ALS2: variants seen among roughly 807,000 people sequenced by gnomAD.
ALS2 encodes the protein alsin Rho guanine nucleotide exchange factor ALS2.
Under a neutral mutation model 203.4 loss-of-function variants are expected in ALS2, and 117 were observed. The ratio of observed to expected loss-of-function variants is 0.58; its 90% CI spans 0.50 to 0.67. ALS2 has a LOEUF of 0.67. Ranked by LOEUF, ALS2 falls within the 30% of genes least tolerant of loss-of-function variation. The probability of loss-of-function intolerance (pLI) is 0.00; values close to 1 mark genes in which losing one functional copy is unlikely to be tolerated. For missense variants in ALS2, 1,715 were observed against 1,989.4 expected, an observed-to-expected ratio of 0.86 and a Z score of 2.62; for synonymous variants, 718 against 725.9, an observed-to-expected ratio of 0.99 and a Z score of 0.17.
intron 7 of ALS2, among the ~76,000 whole-genome samples, chr2:201,750,281 C>T (rs1180451899): frequency 6.6e-6 from 1 of 151,994 alleles, no homozygotes; most frequent in Non-Finnish European, 1.5e-5. Context: ...TTGTTCTTAA[C>T]ACTTTCTGTA....
intron 23 of ALS2, chr2:201,722,258 G>A (rs1690849376): frequency 6.6e-6 from 1 of 152,120 alleles, no homozygotes; most frequent in East Asian, 1.9e-4. Context: ...TTAGTCACTA[G>A]GGAATGCAAA....
chr2:201,776,662 T>C (rs1427134624), intron 1 of ALS2, among the ~76,000 whole-genome samples: 3 of 152,144 alleles, frequency 2.0e-5, no homozygotes, highest in Non-Finnish European at 4.4e-5. Flanking sequence ...ATGGCCACAA[T>C]TTTTTCAAAG....
At chr2:201,708,734 T>C (rs1689872094) in intron 27 of ALS2, among the ~76,000 whole-genome samples, 1 of 152,244 alleles carries the variant, frequency 6.6e-6, no homozygotes, top group Non-Finnish European at 1.5e-5. Flanking sequence ...TCTGACTTCT[T>C]GTATGCTAGT....
At chr2:201,725,156 C>G (rs1251070112) in intron 20 of ALS2, among the ~76,000 whole-genome samples, 200 bp downstream of exon 20, 1 of 151,662 alleles carries the variant, frequency 6.6e-6, no homozygotes, top group Non-Finnish European at 1.5e-5. Context: ...ATTTAATAAT[C>G]CAGTATTTTA....
intron 23 of ALS2, among the ~76,000 whole-genome samples, 196 bp from the exon 24 acceptor site, chr2:201,718,406 C>T (rs1344623373): frequency 5.3e-5 from 8 of 152,068 alleles, no homozygotes; most frequent in African/African-American, 1.7e-4. Flanking sequence ...ATCACAGGCG[C>T]CCGCCACCAC....
chr2:201,721,186 G>A (rs1349829559), intron 23 of ALS2, among the ~76,000 whole-genome samples: 1 of 152,186 alleles, frequency 6.6e-6, no homozygotes, highest in Admixed American at 6.5e-5. Context: ...TAAACTGTGA[G>A]GTGTTCTATG....
At chr2:201,770,420 C>T (rs1314088047) in intron 1 of ALS2, among the ~76,000 whole-genome samples, 2 of 151,294 alleles carry the variant, frequency 1.3e-5, no homozygotes, top group African/African-American at 4.9e-5. Context: ...TTGGTTACAC[C>T]TTACTCAATA....
At chr2:201,716,251 C>G (rs189723660) in intron 24 of ALS2, among the ~76,000 whole-genome samples, 170 of 151,358 alleles carry the variant, frequency 1.1e-3, no homozygotes, top group Non-Finnish European at 1.5e-4. Context: ...CTACTAAAAA[C>G]ACAAAAAATT....
chr2:201,717,926 G>T, intron 24 of ALS2, 151 bp downstream of exon 24: 1 of 738,580 alleles, frequency 1.4e-6, no homozygotes, highest in Non-Finnish European at 2.0e-6. Flanking sequence ...GTGACAGAGT[G>T]ACACCCTGTC....
intron 1 of ALS2, among the ~76,000 whole-genome samples, chr2:201,770,628 G>GATT (rs1459312166): frequency 6.6e-6 from 1 of 152,146 alleles, no homozygotes. Context: ...AAGATAGAAA[G>GATT]ATTATCCTGG....
chr2:201,757,885 T>A, intron 4 of ALS2, 126 bp from the exon 5 acceptor site: 1 of 719,744 alleles, frequency 1.4e-6, no homozygotes, highest in Admixed American at 2.8e-5. Context: ...AGAAGTTCTC[T>A]TCATCTTCAA....
intron 1 of ALS2, among the ~76,000 whole-genome samples, chr2:201,772,677 C>T (rs1476371463): frequency 6.6e-6 from 1 of 151,996 alleles, no homozygotes; most frequent in Non-Finnish European, 1.5e-5. Context: ...GAATAAAGGA[C>T]CAGGAATCTA....
rs1693480632 is a variant in ALS2 at position 201,757,687 on chromosome 2, C to T, written c.1186G>A (p.Val396Met). Residue 396 changes from valine to methionine, a missense_variant, in exon 5 of 34, where the codon GTG becomes ATG. Val to Met is a conservative substitution (Grantham distance 21, BLOSUM62 1). Coordinates refer to ENST00000264276, the MANE Select transcript of ALS2 (RefSeq NM_020919.4). Reference protein sequence around the residue: ...TTSTSALNSLVVSCASAVGVR... With the variant: ...TTSTSALNSLMVSCASAVGVR... ...CCAACAGCAGATGCACAAGAGACCA[C>T]CAGGCTGTTTAGGGCTGAGGTGCTT... 6.2e-7 allele frequency: 1 copy of T among 1,613,826 alleles called. No homozygotes were observed. Among genetic ancestry groups the T allele is most frequent in the Non-Finnish European group, 8.5e-7 (1 of 1,180,024 alleles).
At chr2:201,703,747 A>G (rs1242863217) in intron 33 of ALS2, among the ~76,000 whole-genome samples, 1 of 152,248 alleles carries the variant, frequency 6.6e-6, no homozygotes, top group Non-Finnish European at 1.5e-5. Flanking sequence ...CATTATTTAC[A>G]TACTGCCTTC....
chr2:201,753,627 T>A (rs1444095929), intron 6 of ALS2, among the ~76,000 whole-genome samples: 3 of 152,232 alleles, frequency 2.0e-5, no homozygotes, highest in African/African-American at 7.2e-5. Context: ...CTACTTTAGA[T>A]AATCATTCCA....
intron 25 of ALS2, among the ~76,000 whole-genome samples, chr2:201,715,108 T>C (rs1035758213): frequency 4.6e-5 from 7 of 152,192 alleles, no homozygotes; most frequent in African/African-American, 1.7e-4. Flanking sequence ...CTCAAGAGTT[T>C]TGACTTTTGC....
chr2:201,704,302 G>C, intron 32 of ALS2, 84 bp from the exon 33 acceptor site: 1 of 1,498,218 alleles, frequency 6.7e-7, no homozygotes, highest in Non-Finnish European at 9.3e-7. Context: ...GAAAAAGAAA[G>C]AACAGCTCAA....
Position 201,727,738 on chromosome 2 carries a change from C to G in ALS2, c.2879G>C (p.Trp960Ser). The G allele has an allele frequency of 1.9e-6, 3 of 1,551,722 alleles. No individual in the cohort carries two copies. The highest frequency in any genetic ancestry group is 2.6e-6 in the Non-Finnish European group (3 of 1,147,022). ...THHVFPLATL[W>S]AEPLSEEAGG... is the part of the protein sequence containing the mutation. Reference sequence around the variant, plus strand: ...AGCTTCTTCAGACAGTGGCTCTGCCCACAGCGTGGCCAGAGGGAAAACATG... The same window carrying G: ...AGCTTCTTCAGACAGTGGCTCTGCCGACAGCGTGGCCAGAGGGAAAACATG... Residue 960 changes from tryptophan to serine, a missense_variant, in exon 16 of 34, where the codon TGG becomes TCG. By Grantham distance (177) the Trp-to-Ser change is radical. This residue lies in a region of ALS2 where 1,227 missense variants were observed against 1,413.5 expected (regional missense o/e 0.87). Transcript: ENST00000264276.
rs751329330 is a variant in ALS2 at position 201,744,240 on chromosome 2, G to C, written c.2170+18C>G. ...GACCTGATGGTTTAATGGTGGGAGA[G>C]AGGGGGTTGCAACTTACCTAAACTG... is the stretch of plus-strand genomic sequence containing the variant. On this transcript the variant is annotated intron_variant, in intron 10 of 33. Transcript: ENST00000264276. 3 of 1,608,988 alleles carry C rather than the reference G, an allele frequency of 1.9e-6. No individual in the cohort carries two copies. Among genetic ancestry groups the C allele is most frequent in the Non-Finnish European group, 2.6e-6 (3 of 1,175,364 alleles).
Sources: gnomAD v4.1 joint callset for allele counts (sites outside exome capture counted in the v4.1 genomes callset) on GRCh38, gnomAD v4.1.1 for gene constraint, gnomAD v4.1.1 regional missense constraint, MANE v1.5 for transcripts, NCBI Gene and HGNC (gene_info 2026-07-23, HGNC 2026-07-21) for gene names.